The following NAV2 variants were observed in gnomAD, a reference collection of about 807,000 sequenced individuals.
NAV2 encodes helicase, APC down-regulated 1.
Under a neutral mutation model 223.2 loss-of-function variants are expected in NAV2, and 54 were observed. The ratio of observed to expected loss-of-function variants is 0.24; its 90% CI spans 0.19 to 0.30. The LOEUF (loss-of-function observed/expected upper bound fraction) is 0.30, where lower values mean the gene tolerates loss of function less well. NAV2 is among the 10% of genes least tolerant of loss of function. NAV2 has a pLI of 1.00. For missense variants in NAV2, 2,806 were observed against 3,147.5 expected (o/e 0.89, Z 2.60); for synonymous variants, 1,279 against 1,239.3 (o/e 1.03, Z -0.67).
intron 1 of NAV2, among the ~76,000 whole-genome samples, chr11:19,746,362 A>G (rs528944912): frequency 3.4e-4 from 35 of 102,502 alleles, no homozygotes; most frequent in Non-Finnish European, 6.8e-4. Flanking sequence ...TGACTTCAGT[A>G]TGCGTTTGTA....
intron 1 of NAV2, among the ~76,000 whole-genome samples, chr11:19,467,010 C>CACACACACACACACACAG (rs1564959991): frequency 9.6e-4 from 130 of 135,960 alleles, no homozygotes; most frequent in African/African-American, 3.1e-3. Flanking sequence ...CACACACACA[C>CACACACACACACACACAG]ACACACACAG....
intron 1 of NAV2, among the ~76,000 whole-genome samples, chr11:19,791,515 TGAGA>T (rs1365065456): frequency 4.6e-5 from 7 of 152,210 alleles, no homozygotes; most frequent in African/African-American, 1.4e-4. Flanking sequence ...AATCTGCACA[TGAGA>T]GAGACCTCAT....
chr11:19,711,775 G>A (rs1431859722), upstream of NAV2: 1 of 152,172 alleles, frequency 6.6e-6, no homozygotes, highest in Non-Finnish European at 1.5e-5. Context: ...CTCTTACATT[G>A]CCAGGTACTT....
Position 20,107,665 on chromosome 11 carries a change from C to A in NAV2, c.6843C>A (p.Gly2281=), listed in dbSNP as rs772204142. ...ATGTATTTTCACTGTGGTCTCCAGG[C>A]CCCCGGCTCTTCCTGTCATGCCCCA... ...EAHSSSDVTI[G]PRLFLSCPID... Residue 2281 remains glycine, a splice_region_variant and synonymous_variant, in exon 36 of 38, where the codon GGC becomes GGA. Coordinates refer to ENST00000349880, the MANE Select transcript of NAV2 (RefSeq NM_145117.5). 6.2e-6 allele frequency: 10 copies of A among 1,612,048 alleles called. No homozygotes were observed. The highest frequency in any genetic ancestry group is 5.0e-5 in the Admixed American group (3 of 60,000).
chr11:19,587,122 T>A (rs1263091745), intron 1 of NAV2, among the ~76,000 whole-genome samples: 1 of 152,186 alleles, frequency 6.6e-6, no homozygotes, highest in Non-Finnish European at 1.5e-5. Context: ...CAGTTTGATC[T>A]CAGATTGCTG....
chr11:19,642,652 C>T (rs542045364), intron 1 of NAV2, among the ~76,000 whole-genome samples: 2 of 152,224 alleles, frequency 1.3e-5, no homozygotes, highest in Admixed American at 6.5e-5. Context: ...TTGAGCATCT[C>T]GGAATAAGAT....
chr11:19,613,008 G>A (rs899655179), intron 1 of NAV2, among the ~76,000 whole-genome samples: 2 of 152,148 alleles, frequency 1.3e-5, no homozygotes, highest in African/African-American at 2.4e-5. Flanking sequence ...AAGGCAAAAG[G>A]TGCTTCTTAA....
chr11:19,519,123 G>A (rs1238791598), intron 1 of NAV2, among the ~76,000 whole-genome samples: 1 of 152,124 alleles, frequency 6.6e-6, no homozygotes, highest in African/African-American at 2.4e-5. Context: ...ATAGCAGCCT[G>A]AAGTAAGCAA....
intron 1 of NAV2, among the ~76,000 whole-genome samples, chr11:19,572,775 T>C (rs2045462345): frequency 3.9e-5 from 6 of 152,224 alleles, no homozygotes; most frequent in Admixed American, 3.9e-4. Context: ...GGAATCATAA[T>C]GGTGTATATA....
intron 11 of NAV2, among the ~76,000 whole-genome samples, chr11:20,006,222 G>C (rs1005234353): frequency 1.3e-5 from 2 of 152,158 alleles, no homozygotes; most frequent in African/African-American, 4.8e-5. Flanking sequence ...GGGATCATTA[G>C]GGTTTGATTA....
At chr11:19,442,171 G>A (rs1432524986) in intron 1 of NAV2, among the ~76,000 whole-genome samples, 1 of 152,216 alleles carries the variant, frequency 6.6e-6, no homozygotes, top group East Asian at 1.9e-4. Flanking sequence ...GCCCTGGGGA[G>A]GGGAGACTGT....
intron 1 of NAV2, among the ~76,000 whole-genome samples, chr11:19,397,025 G>T (rs1353200110): frequency 1.3e-5 from 2 of 152,134 alleles, no homozygotes; most frequent in Non-Finnish European, 2.9e-5. Flanking sequence ...GTTCCCTGTG[G>T]CTCTGCCCTG....
At chr11:19,349,255 A>C (rs1853160347), upstream of NAV2, among the ~76,000 whole-genome samples, 3 of 152,140 alleles carry the variant, frequency 2.0e-5, no homozygotes, top group South Asian at 6.2e-4. Flanking sequence ...ACAAGCCTTC[A>C]ATTAAGAGGG....
At chr11:19,804,794 A>G (rs1385022377) in intron 1 of NAV2, among the ~76,000 whole-genome samples, 1 of 152,252 alleles carries the variant, frequency 6.6e-6, no homozygotes, top group Non-Finnish European at 1.5e-5. Flanking sequence ...TAAGACATGT[A>G]AGAAACTGGA....
intron 1 of NAV2, among the ~76,000 whole-genome samples, chr11:19,365,423 A>G (rs904159688): frequency 6.6e-6 from 1 of 152,242 alleles, no homozygotes; most frequent in African/African-American, 2.4e-5. Flanking sequence ...GTCCTGGTTC[A>G]GTGACCTTCA....
chr11:19,892,849 C>A (rs2041630441), intron 6 of NAV2, among the ~76,000 whole-genome samples: 1 of 152,124 alleles, frequency 6.6e-6, no homozygotes, highest in South Asian at 2.1e-4. Context: ...CCCGGCTATG[C>A]ATAGAAGCAA....
intron 1 of NAV2, among the ~76,000 whole-genome samples, chr11:19,593,511 A>G (rs960245955): frequency 6.6e-6 from 1 of 152,216 alleles, no homozygotes. Context: ...ATTTGTGTAT[A>G]GATTTTTATT....
chr11:19,601,326 G>A (rs1046843081), intron 1 of NAV2, among the ~76,000 whole-genome samples: 1 of 152,170 alleles, frequency 6.6e-6, no homozygotes, highest in Non-Finnish European at 1.5e-5. Flanking sequence ...GCCTGGTCCA[G>A]TGATCATCTC....
At chr11:19,347,142 T>C (rs1490192580), upstream of NAV2, among the ~76,000 whole-genome samples, 1 of 152,156 alleles carries the variant, frequency 6.6e-6, no homozygotes, top group Non-Finnish European at 1.5e-5. Flanking sequence ...TTTGCAAACT[T>C]TGGGAAAATC....
Sources: gnomAD v4.1 joint callset for allele counts (sites outside exome capture counted in the v4.1 genomes callset) on GRCh38, gnomAD v4.1.1 for gene constraint, MANE v1.5 for transcripts, NCBI Gene and HGNC (gene_info 2026-07-23, HGNC 2026-07-21) for gene names.